CTNNA3: variants seen among roughly 807,000 people sequenced by gnomAD.
The protein encoded by CTNNA3 is catenin alpha 3.
Under a neutral mutation model 95.7 loss-of-function variants are expected in CTNNA3, and 76 were observed. That is an observed-to-expected ratio of 0.79 (90% CI 0.66 to 0.96). The LOEUF (loss-of-function observed/expected upper bound fraction) is 0.96. Ranked by LOEUF, CTNNA3 falls within the 40% of genes least tolerant of loss-of-function variation. The pLI is 0.00. For missense variants in CTNNA3, 1,191 were observed against 1,089.8 expected (o/e 1.09, Z -1.31); for synonymous variants, 431 against 374.4 (o/e 1.15, Z -1.74).
At chr10:67,206,447 G>A (rs1016476699) in intron 6 of CTNNA3, among the ~76,000 whole-genome samples, 57 of 152,106 alleles carry the variant, frequency 3.7e-4, no homozygotes, top group African/African-American at 1.3e-3. Context: ...AAAACTCACT[G>A]GAGATTACTG....
chr10:67,287,593 T>C (rs2132459014), intron 5 of CTNNA3, among the ~76,000 whole-genome samples: 1 of 152,310 alleles, frequency 6.6e-6, no homozygotes, highest in African/African-American at 2.4e-5. Context: ...TTTTTCTTCT[T>C]GTAGCCATTC....
intron 15 of CTNNA3, among the ~76,000 whole-genome samples, chr10:66,039,846 A>G (rs565692398): frequency 3.1e-4 from 47 of 152,322 alleles, no homozygotes; most frequent in African/African-American, 1.0e-3. Flanking sequence ...AAAGACATCA[A>G]AAGCAATTGC....
chr10:67,247,219 T>C (rs563403540), intron 5 of CTNNA3, among the ~76,000 whole-genome samples: 2 of 152,312 alleles, frequency 1.3e-5, no homozygotes, highest in East Asian at 3.9e-4. Context: ...CTACCTCTCT[T>C]TGCAGATGCC....
chr10:66,664,285 T>C (rs560669652), intron 9 of CTNNA3, among the ~76,000 whole-genome samples: 8 of 152,256 alleles, frequency 5.3e-5, no homozygotes, highest in East Asian at 1.9e-4. Context: ...ACATCTCAAA[T>C]AGTTTTTTTA....
intron 1 of CTNNA3, among the ~76,000 whole-genome samples, chr10:67,672,594 C>T (rs1840458361): frequency 6.6e-6 from 1 of 152,104 alleles, no homozygotes; most frequent in Non-Finnish European, 1.5e-5. Flanking sequence ...CCAGTTTTCC[C>T]AGCACCATTT....
intron 6 of CTNNA3, among the ~76,000 whole-genome samples, chr10:67,210,731 T>TG (rs143040362): frequency 0.18 from 27,107 of 149,992 alleles, 2,888 homozygotes; most frequent in Middle Eastern, 0.26. Context: ...ATACTGCATA[T>TG]GGGGGGGGGC....
In CTNNA3 at chr10:67,289,984, T is replaced by A. The variant is rs149092371; in HGVS notation, c.580-70114A>T. ...AGGCTAATTTAAAAAAAAAAAAACA[T>A]TTGTAGAGACAGGGTCTCACTGTGT... is the stretch of plus-strand genomic sequence containing the variant. On this transcript the variant is annotated intron_variant, in intron 5 of 17. Transcript: ENST00000433211. Among the ~76,000 whole-genome samples the A allele has an allele frequency of 3.9e-3, 589 of 151,846 alleles. 5 individuals carry two copies. Among genetic ancestry groups the A allele is most frequent in the African/African-American group, 0.014 (565 of 41,344 alleles).
chr10:66,926,826 AT>A, intron 7 of CTNNA3: 2 of 1,162,928 alleles, frequency 1.7e-6, no homozygotes, highest in Non-Finnish European at 2.4e-6. Flanking sequence ...TTAGATTTAA[AT>A]TTTTAAAAAT....
At chr10:67,021,728 T>C (rs1395684354) in intron 7 of CTNNA3, among the ~76,000 whole-genome samples, 1 of 152,186 alleles carries the variant, frequency 6.6e-6, no homozygotes, top group Non-Finnish European at 1.5e-5. Context: ...AAATTTCCTC[T>C]TAAGATTTCT....
rs753465354 is a variant in CTNNA3, at chr10:65,955,982, C to A, written c.2400+10630G>T. Among the ~76,000 whole-genome samples, 16 of 152,228 alleles carry A rather than the reference C, an allele frequency of 1.1e-4. 1 individual carries two copies. The highest frequency in any genetic ancestry group is 6.8e-3 in the Middle Eastern group (2 of 294). ...GGAATGGAACTGGCTCCTCTTTGTG[C>A]CTCTGGGAGAATTTGGCTGTGAATC... On this transcript the variant is annotated intron_variant, in intron 17 of 17. Coordinates refer to ENST00000433211, the MANE Select transcript of CTNNA3 (RefSeq NM_013266.4).
At chr10:66,920,842 A>C (rs1372533964) in intron 7 of CTNNA3, among the ~76,000 whole-genome samples, 2 of 152,082 alleles carry the variant, frequency 1.3e-5, no homozygotes, top group Admixed American at 1.3e-4. Context: ...CTCCACTTCT[A>C]TTTCCTTAGA....
chr10:67,507,343 C>A (rs12258552), intron 5 of CTNNA3, among the ~76,000 whole-genome samples: 2 of 151,930 alleles, frequency 1.3e-5, no homozygotes, highest in Non-Finnish European at 2.9e-5. Context: ...GCCTGGCCAA[C>A]ATGGTGAAGC....
chr10:67,167,598 T>C (rs1181293448), intron 7 of CTNNA3, among the ~76,000 whole-genome samples: 1 of 152,232 alleles, frequency 6.6e-6, no homozygotes, highest in Non-Finnish European at 1.5e-5. Context: ...AGCAAAGTCA[T>C]GCCAGAGGAG....
At chr10:67,637,892 C>T (rs941713566) in intron 2 of CTNNA3, among the ~76,000 whole-genome samples, 5 of 152,264 alleles carry the variant, frequency 3.3e-5, no homozygotes, top group African/African-American at 9.6e-5. Flanking sequence ...ACAACTGGTA[C>T]CAGCCACTGC....
At chr10:66,786,127 TG>T (rs1333877156) in intron 7 of CTNNA3, among the ~76,000 whole-genome samples, 1 of 152,168 alleles carries the variant, frequency 6.6e-6, no homozygotes, top group Admixed American at 6.5e-5. Context: ...CCTACAGGCC[TG>T]GGAGTGGGCA....
intron 6 of CTNNA3, among the ~76,000 whole-genome samples, chr10:67,208,200 G>A (rs1003482487): frequency 2.0e-5 from 3 of 151,588 alleles, no homozygotes; most frequent in South Asian, 2.1e-4. Flanking sequence ...GTGAAACCAC[G>A]TCTCTACTAA....
intron 9 of CTNNA3, among the ~76,000 whole-genome samples, chr10:66,644,306 CTA>C (rs112963546): frequency 0.11 from 11,409 of 107,218 alleles, 514 homozygotes; most frequent in Non-Finnish European, 0.13. Context: ...CTCTCTCTCT[CTA>C]TATATATATA....
chr10:67,104,257 T>C (rs1858501874), intron 7 of CTNNA3, among the ~76,000 whole-genome samples: 1 of 151,778 alleles, frequency 6.6e-6, no homozygotes, highest in Non-Finnish European at 1.5e-5. Flanking sequence ...AGCAATGACA[T>C]GGCTTGAGCT....
At chr10:66,842,664 T>C (rs1377692953) in intron 7 of CTNNA3, among the ~76,000 whole-genome samples, 1 of 152,188 alleles carries the variant, frequency 6.6e-6, no homozygotes. Flanking sequence ...TAGGCCTAAC[T>C]GGCAGTTTGA....
Sources: gnomAD v4.1 joint callset for allele counts (sites outside exome capture counted in the v4.1 genomes callset) on GRCh38, gnomAD v4.1.1 for gene constraint, MANE v1.5 for transcripts, NCBI Gene and HGNC (gene_info 2026-07-23, HGNC 2026-07-21) for gene names.